Variants in DCC observed in about 807,000 individuals in gnomAD.
The protein encoded by DCC is DCC netrin 1 receptor.
In DCC, 58 loss-of-function variants were observed where a neutral mutation model predicts 172.5. That is an observed-to-expected ratio of 0.34 (90% CI 0.27 to 0.42). The LOEUF is 0.42. DCC is among the 10% of genes least tolerant of loss of function. The pLI is 1.00. For missense variants in DCC, 1,740 were observed against 1,791.0 expected (o/e 0.97, Z 0.51); for synonymous variants, 709 against 644.5 (o/e 1.10, Z -1.52).
intron 9 of DCC, among the ~76,000 whole-genome samples, chr18:53,179,355 G>T (rs1156572282): frequency 6.6e-6 from 1 of 152,090 alleles, no homozygotes; most frequent in South Asian, 2.1e-4. Flanking sequence ...ATCTATCTAT[G>T]CAGTCTACTT....
chr18:52,502,415 A>C (rs1346439574), intron 1 of DCC, among the ~76,000 whole-genome samples: 1 of 152,176 alleles, frequency 6.6e-6, no homozygotes, highest in Non-Finnish European at 1.5e-5. Flanking sequence ...TGCATCTTCA[A>C]ATATCTTTGA....
At chr18:52,430,590 G>A (rs989734650) in intron 1 of DCC, among the ~76,000 whole-genome samples, 4 of 152,056 alleles carry the variant, frequency 2.6e-5, no homozygotes, top group Non-Finnish European at 5.9e-5. Flanking sequence ...ATCTATGGAG[G>A]ATGATAGTAA....
chr18:52,569,455 A>G (rs2033242466), intron 1 of DCC, among the ~76,000 whole-genome samples: 1 of 152,220 alleles, frequency 6.6e-6, no homozygotes, highest in Non-Finnish European at 1.5e-5. Flanking sequence ...TGCTATGTAT[A>G]CTAAAATTAT....
chr18:52,856,882 G>A (rs1054065042), intron 2 of DCC, among the ~76,000 whole-genome samples: 7 of 152,090 alleles, frequency 4.6e-5, no homozygotes, highest in Non-Finnish European at 8.8e-5. Context: ...CAAATTAGAA[G>A]TAACTGTTAT....
intron 2 of DCC, among the ~76,000 whole-genome samples, chr18:52,855,765 T>A (rs1312896746): frequency 3.0e-5 from 4 of 134,996 alleles, no homozygotes; most frequent in African/African-American, 1.3e-4. Flanking sequence ...TATAAATTCT[T>A]TTTTTTTTTT....
intron 1 of DCC, among the ~76,000 whole-genome samples, chr18:52,550,898 TA>T (rs1415140307): frequency 6.6e-6 from 1 of 151,998 alleles, no homozygotes; most frequent in African/African-American, 2.4e-5. Context: ...AAACAATTTT[TA>T]AATGTTATTT....
intron 20 of DCC, among the ~76,000 whole-genome samples, chr18:53,411,655 A>T (rs1239388939): frequency 6.6e-6 from 1 of 152,170 alleles, no homozygotes; most frequent in Non-Finnish European, 1.5e-5. Flanking sequence ...CTGATGAGTG[A>T]GCTATTCAAA....
intron 9 of DCC, among the ~76,000 whole-genome samples, chr18:53,191,843 A>C (rs2055371035): frequency 1.3e-5 from 2 of 152,186 alleles, no homozygotes; most frequent in South Asian, 4.2e-4. Flanking sequence ...TGTCACCAAT[A>C]GAAATAAAAG....
At chr18:52,686,166 A>T (rs971732833) in intron 1 of DCC, among the ~76,000 whole-genome samples, 4 of 152,086 alleles carry the variant, frequency 2.6e-5, no homozygotes, top group African/African-American at 4.8e-5. Flanking sequence ...TCAGAATATG[A>T]TGGCAGTGCA....
At chr18:52,447,860 C>T (rs1325147724) in intron 1 of DCC, among the ~76,000 whole-genome samples, 1 of 152,126 alleles carries the variant, frequency 6.6e-6, no homozygotes, top group Non-Finnish European at 1.5e-5. Context: ...GGGGATAGCA[C>T]TGAATCATTC....
At chr18:53,049,526 CTATTT>C (rs2042305961) in intron 5 of DCC, among the ~76,000 whole-genome samples, 1 of 152,042 alleles carries the variant, frequency 6.6e-6, no homozygotes, top group African/African-American at 2.4e-5. Flanking sequence ...GCTCTCTATT[CTATTT>C]TATTTGTCTA....
intron 21 of DCC, among the ~76,000 whole-genome samples, chr18:53,419,585 G>T (rs1378211024): frequency 6.6e-6 from 1 of 151,718 alleles, no homozygotes; most frequent in Non-Finnish European, 1.5e-5. Flanking sequence ...ATTTGTCTGT[G>T]CTGTTGTGGG....
intron 5 of DCC, among the ~76,000 whole-genome samples, chr18:52,975,634 G>T (rs1436345408): frequency 6.6e-6 from 1 of 152,084 alleles, no homozygotes; most frequent in African/African-American, 2.4e-5. Flanking sequence ...TCCTGTGTTA[G>T]TTTGCTAAGG....
At chr18:52,730,229 A>G (rs2036616845) in intron 1 of DCC, among the ~76,000 whole-genome samples, 2 of 152,148 alleles carry the variant, frequency 1.3e-5, no homozygotes. Context: ...GGTTGTCACA[A>G]CTGGAGAGGG....
chr18:53,140,538 G>A (rs550404181), intron 7 of DCC, among the ~76,000 whole-genome samples: 10 of 152,082 alleles, frequency 6.6e-5, no homozygotes, highest in South Asian at 4.2e-4. Context: ...GAAAGGATTC[G>A]GTAGTTTGTT....
chr18:53,064,987 T>G (rs2042546366), intron 6 of DCC, among the ~76,000 whole-genome samples: 1 of 152,194 alleles, frequency 6.6e-6, no homozygotes, highest in Admixed American at 6.6e-5. Flanking sequence ...GCCAACCAAT[T>G]TAAATTCTTC....
chr18:53,025,104 G>A (rs893568593), intron 5 of DCC, among the ~76,000 whole-genome samples: 3 of 152,102 alleles, frequency 2.0e-5, no homozygotes, highest in Non-Finnish European at 4.4e-5. Context: ...TATGACCCAT[G>A]AGCTTGCCCT....
chr18:53,027,150 T>C (rs1490686260), intron 5 of DCC, among the ~76,000 whole-genome samples: 1 of 152,154 alleles, frequency 6.6e-6, no homozygotes, highest in African/African-American at 2.4e-5. Context: ...AAGCATACCC[T>C]CCTTAGGACA....
At chr18:53,169,709 G>A (rs1254343843) in intron 8 of DCC, among the ~76,000 whole-genome samples, 1 of 152,108 alleles carries the variant, frequency 6.6e-6, no homozygotes, top group Non-Finnish European at 1.5e-5. Flanking sequence ...GGTCCCTGCC[G>A]CTTCCACAGG....
Sources: allele counts gnomAD v4.1 joint callset (sites outside exome capture counted in the v4.1 genomes callset), GRCh38; gene constraint gnomAD v4.1.1; transcripts MANE v1.5; gene names NCBI Gene and HGNC (gene_info 2026-07-23, HGNC 2026-07-21).